DNMT3A: variants seen among roughly 807,000 people sequenced by gnomAD.
DNMT3A encodes the protein DNA (cytosine-5)-methyltransferase 3A.
In DNMT3A, 267 loss-of-function variants were observed where a neutral mutation model predicts 117.6. That is an observed-to-expected ratio of 2.27 (90% CI 2.05 to 2.51). The LOEUF (loss-of-function observed/expected upper bound fraction) is 2.51. DNMT3A is among the 30% of genes most tolerant of loss of function. The pLI, the probability that DNMT3A is intolerant of heterozygous loss-of-function variation, is 0.00. For synonymous variants in DNMT3A, 432 were observed against 474.8 expected (o/e 0.91, Z 1.17); for missense variants, 1,029 against 1,260.2 (o/e 0.82, Z 2.78).
Position 25,282,821 on chromosome 2 carries a change from A to C in DNMT3A, c.178-110T>G, listed in dbSNP as rs1475308668. ...AGAGAATGTTATGCACTTTCTGTCCAGAAACTGTGTTCATATAAACCTTCA... is the reference window on the plus strand; with the variant it reads ...AGAGAATGTTATGCACTTTCTGTCCCGAAACTGTGTTCATATAAACCTTCA... On this transcript the variant is annotated intron_variant, in intron 3 of 22. Transcript: ENST00000321117. This position sits in a 1 kb window ranked among gnomAD's most constrained non-coding sequence, Gnocchi z 5.2. The C allele has an allele frequency of 7.4e-7, 1 of 1,343,800 alleles. No individual in the cohort carries two copies. The highest frequency in any genetic ancestry group is 2.7e-5 in the Admixed American group (1 of 36,514). 83.2% of individuals were successfully genotyped at this position (1,343,800 alleles called of 1,614,324 possible). A position where few individuals can be genotyped will look rare whatever the true frequency, so the allele number is the denominator to read the frequency against.
intron 3 of DNMT3A, among the ~76,000 whole-genome samples, chr2:25,285,688 C>T (rs566798298): frequency 2.3e-4 from 35 of 152,348 alleles, no homozygotes; most frequent in African/African-American, 7.5e-4. Flanking sequence ...GAAAGTGGAA[C>T]GGCAGACCCC....
chr2:25,252,026 C>A lies in DNMT3A; in HGVS notation c.640-3774G>T. On this transcript the variant is annotated intron_variant, in intron 6 of 22. Transcript: ENST00000321117. The surrounding 1 kb of genome is among the most constrained non-coding windows in gnomAD (Gnocchi z 5.5). ...CGTGGGCAGGAAGGCGGCGGGCCAG[C>A]ACTAAGTCAGCATCTCCAGAACTCG... 1 of 843,094 alleles carries A rather than the reference C, an allele frequency of 1.2e-6. No individual in the cohort carries two copies. The highest frequency in any genetic ancestry group is 1.8e-6 in the Non-Finnish European group (1 of 569,478). 52.2% of individuals were successfully genotyped at this position (843,094 alleles called of 1,614,324 possible). A position where few individuals can be genotyped will look rare whatever the true frequency, so the allele number is the denominator to read the frequency against.
In DNMT3A at chr2:25,254,324, G is replaced by GC. The variant is rs953953843; in HGVS notation, c.640-6073dup. Among the ~76,000 whole-genome samples, 2 of 151,762 alleles carry GC rather than the reference G, an allele frequency of 1.3e-5. No homozygotes were observed. Among genetic ancestry groups the GC allele is most frequent in the Non-Finnish European group, 2.9e-5 (2 of 67,962 alleles). ...AAGTCACGAGATGTGCAGTGAGGGA[G>GC]CCCCCCCTCCCCCTGAGGGCCATCA... On this transcript the variant is annotated intron_variant, in intron 6 of 22. Coordinates refer to ENST00000321117, the MANE Select transcript of DNMT3A (RefSeq NM_022552.5). The surrounding 1 kb of genome is among the most constrained non-coding windows in gnomAD (Gnocchi z 4.7).
In DNMT3A at chr2:25,327,217, T is replaced by C. The variant is rs1417301969; in HGVS notation, c.-177-13056A>G. On this transcript the variant is annotated intron_variant, in intron 1 of 22. Transcript: ENST00000321117. This position sits in a 1 kb window ranked among gnomAD's most constrained non-coding sequence, Gnocchi z 4.1. ...CCAATTCCTCATTATTCCAATCCAA[T>C]TAGAGTTAATAATTCGTTATGTGAA... is the stretch of plus-strand genomic sequence containing the variant. Among the ~76,000 whole-genome samples, 2 of 152,232 alleles carry C rather than the reference T, an allele frequency of 1.3e-5. No homozygotes were observed. Among genetic ancestry groups the C allele is most frequent in the East Asian group, 3.8e-4 (2 of 5,200 alleles).
chr2:25,285,996 A>T (rs1393267917), intron 3 of DNMT3A, among the ~76,000 whole-genome samples: 1 of 152,238 alleles, frequency 6.6e-6, no homozygotes, highest in East Asian at 1.9e-4. Flanking sequence ...AGCTTAGGTC[A>T]GAGCCAGACT....
intron 1 of DNMT3A, among the ~76,000 whole-genome samples, chr2:25,320,961 G>A (rs13024595): frequency 0.37 from 56,376 of 151,856 alleles, 10,945 homozygotes; most frequent in Non-Finnish European, 0.43. Context: ...GAGAAACTCC[G>A]TCTCTACTAA....
Position 25,282,538 on chromosome 2 carries a change from C to T in DNMT3A, c.351G>A (p.Glu117=). The change falls in exon 4 of 23, where the codon GAG becomes GAA. Residue 117 remains glutamate (E), a synonymous_variant. Coordinates refer to ENST00000321117, the MANE Select transcript of DNMT3A (RefSeq NM_022552.5). This position sits in a 1 kb window ranked among gnomAD's most constrained non-coding sequence, Gnocchi z 5.2. ...GCAGGGTCTCAGCTGCACCCTCTCC[C>T]TCTGCTGGGGCCCCGCCCTTCTGCC... ...AGGQKGGAPA[E]GEGAAETLPE... The T allele has an allele frequency of 1.2e-6, 2 of 1,613,446 alleles. No homozygotes were observed. The highest frequency in any genetic ancestry group is 2.2e-5 in the East Asian group (1 of 44,874).
intron 20 of DNMT3A, 87 bp downstream of exon 20, chr2:25,239,037 CAGAGAG>C: frequency 9.1e-7 from 1 of 1,102,652 alleles, no homozygotes; most frequent in Non-Finnish European, 1.3e-6. Flanking sequence ...AGAGGCCGGC[CAGAGAG>C]GGCCCGGCTC....
chr2:25,329,883 G>A (rs988976134), intron 1 of DNMT3A, among the ~76,000 whole-genome samples: 7 of 152,302 alleles, frequency 4.6e-5, no homozygotes, highest in South Asian at 2.1e-4. Context: ...ACAGGCACAC[G>A]CGTTGCACAT....
chr2:25,283,108 A>G (rs2032014532), intron 3 of DNMT3A, among the ~76,000 whole-genome samples: 1 of 152,144 alleles, frequency 6.6e-6, no homozygotes, highest in South Asian at 2.1e-4. Context: ...CACACCTGTA[A>G]TCCCAGCACT....
At position 25,242,717 on chromosome 2, in the gene DNMT3A, G is replaced by A. The variant is rs558800286; in HGVS notation, c.1937-1010C>T. Among the ~76,000 whole-genome samples, 121 of 152,274 alleles carry A rather than the reference G, an allele frequency of 7.9e-4. 1 individual carries two copies. The highest frequency in any genetic ancestry group is 1.3e-3 in the African/African-American group (52 of 41,554). On this transcript the variant is annotated intron_variant, in intron 16 of 22. Transcript: ENST00000321117. ...AAGAGCTATTCCTTTCTTAAAAGCC[G>A]GGAAGCCCTTGGCTGGGGGGGCAGG...
rs2033763333 is a variant in DNMT3A, at chr2:25,306,001, CT to C, written c.73-5759del. Among the ~76,000 whole-genome samples, 1 of 152,228 alleles carries C rather than the reference CT, an allele frequency of 6.6e-6. No homozygotes were observed. Among genetic ancestry groups the C allele is most frequent in the South Asian group, 2.1e-4 (1 of 4,832 alleles). Reference sequence around the variant, plus strand: ...CTAGCCAGCTACTTGCCCGGGCCCCCTGGGACAAGAAGCATGCCCAGCCTTT... The same window carrying C: ...CTAGCCAGCTACTTGCCCGGGCCCCCGGGACAAGAAGCATGCCCAGCCTTT... On this transcript the variant is annotated intron_variant, in intron 2 of 22. Coordinates refer to ENST00000321117, the MANE Select transcript of DNMT3A (RefSeq NM_022552.5). The surrounding 1 kb of genome is among the most constrained non-coding windows in gnomAD (Gnocchi z 4.1).
In DNMT3A at chr2:25,240,446, GC is replaced by G; in HGVS notation, c.2177del (p.Gly726AlafsTer53). Reference sequence around the variant, plus strand: ...AGAACTCAAAGAAGAGCCGGCCAGTGCCCTCTGAGAGGTCGGAAGAGAAAGC... The same window carrying G: ...AGAACTCAAAGAAGAGCCGGCCAGTGCCTCTGAGAGGTCGGAAGAGAAAGC... ...VNPARKGLYE[G>X]TGRLFFEFYR... is the part of the protein sequence containing the mutation. On this transcript the variant is annotated frameshift_variant, in exon 19 of 23. Transcript: ENST00000321117. LOFTEE classifies it high-confidence loss of function. 6.2e-7 allele frequency: 1 copy of G among 1,606,898 alleles called. No homozygotes were observed. Among genetic ancestry groups the G allele is most frequent in the Non-Finnish European group, 8.5e-7 (1 of 1,176,516 alleles).
Position 25,304,760 on chromosome 2 carries a change from G to T in DNMT3A, c.73-4517C>A. On this transcript the variant is annotated intron_variant, in intron 2 of 22. Coordinates refer to ENST00000321117, the MANE Select transcript of DNMT3A (RefSeq NM_022552.5). This position sits in a 1 kb window ranked among gnomAD's most constrained non-coding sequence, Gnocchi z 4.3. ...GTGGTCCCAACAGACAGCACCAAGCGCGAAAGCAAACTGCTTCCGGCCTCA... is the reference window on the plus strand; with the variant it reads ...GTGGTCCCAACAGACAGCACCAAGCTCGAAAGCAAACTGCTTCCGGCCTCA... 6.6e-6 allele frequency among the ~76,000 whole-genome samples: 1 copy of T among 152,204 alleles called. No homozygotes were observed. Among genetic ancestry groups the T allele is most frequent in the East Asian group, 1.9e-4 (1 of 5,194 alleles).
At chr2:25,308,688 C>T (rs967839614) in intron 2 of DNMT3A, among the ~76,000 whole-genome samples, 1 of 152,020 alleles carries the variant, frequency 6.6e-6, no homozygotes, top group Non-Finnish European at 1.5e-5. Flanking sequence ...ATGACCTTAC[C>T]GCAACCACTG....
chr2:25,283,048 T>C (rs1476022122), intron 3 of DNMT3A, among the ~76,000 whole-genome samples: 2 of 152,052 alleles, frequency 1.3e-5, no homozygotes, highest in Non-Finnish European at 2.9e-5. Flanking sequence ...GTCCAAGCCT[T>C]CTCTGCAGCC....
intron 6 of DNMT3A, among the ~76,000 whole-genome samples, chr2:25,272,223 G>A (rs1461102636): frequency 6.6e-6 from 1 of 152,218 alleles, no homozygotes; most frequent in Non-Finnish European, 1.5e-5. Context: ...CTGACCTAAG[G>A]TGATCCACCC....
chr2:25,275,410 G>GGCCCCCCCCC, intron 5 of DNMT3A, 90 bp downstream of exon 5: 1 of 1,451,160 alleles, frequency 6.9e-7, no homozygotes, highest in South Asian at 1.3e-5. Flanking sequence ...AGGAGGAGGG[G>GGCCCCCCCCC]CCCACCCTCC....
At chr2:25,301,962 C>A (rs1424247344) in intron 2 of DNMT3A, among the ~76,000 whole-genome samples, 1 of 152,154 alleles carries the variant, frequency 6.6e-6, no homozygotes, top group Non-Finnish European at 1.5e-5. Context: ...GACAGTGGGA[C>A]ACACAAATGG....
Sources: allele counts gnomAD v4.1 joint callset (sites outside exome capture counted in the v4.1 genomes callset), GRCh38; gene constraint gnomAD v4.1.1; non-coding constraint Gnocchi (gnomAD v3.1); transcripts MANE v1.5; gene names NCBI Gene and HGNC (gene_info 2026-07-23, HGNC 2026-07-21).